The following HIBCH variants were observed in gnomAD, a reference collection of about 807,000 sequenced individuals.
HIBCH encodes 3-hydroxyisobutyryl-CoA hydrolase, mitochondrial.
Under a neutral mutation model 58.2 loss-of-function variants are expected in HIBCH, and 50 were observed. The ratio of observed to expected loss-of-function variants is 0.86; its 90% CI spans 0.68 to 1.09. The LOEUF (loss-of-function observed/expected upper bound fraction) is 1.09, where lower values mean the gene tolerates loss of function less well. Among genes scored for constraint, HIBCH ranks in the 50% least tolerant of loss-of-function variants. The probability of loss-of-function intolerance (pLI) is 0.00; values close to 1 mark genes in which losing one functional copy is unlikely to be tolerated. For synonymous variants in HIBCH, 151 were observed against 146.9 expected (o/e 1.03, Z -0.20); for missense variants, 450 against 449.7 (o/e 1.00, Z -0.01).
chr2:190,314,277 AAATATATATATATGT>A (rs1688634318), intron 1 of HIBCH, among the ~76,000 whole-genome samples: 1 of 120,656 alleles, frequency 8.3e-6, no homozygotes, highest in Non-Finnish European at 1.7e-5. Context: ...ACTACAAAAA[AAATATATATATATGT>A]ATATATACAT....
chr2:190,266,129 T>C (rs1311872079), intron 6 of HIBCH, among the ~76,000 whole-genome samples: 2 of 152,224 alleles, frequency 1.3e-5, no homozygotes, highest in Non-Finnish European at 2.9e-5. Context: ...TAATGTATTC[T>C]GTAAGATTAA....
intron 6 of HIBCH, among the ~76,000 whole-genome samples, chr2:190,274,175 G>GT (rs1687484961): frequency 1.3e-5 from 2 of 152,242 alleles, no homozygotes; most frequent in South Asian, 4.1e-4. Context: ...TTAAAAAATG[G>GT]TTTCTTAAAA....
At chr2:190,203,120 T>C (rs571476400), downstream of HIBCH, 22 of 167,090 alleles carry the variant, frequency 1.3e-4, no homozygotes, top group Non-Finnish European at 3.2e-4. Context: ...CTCAGTATCA[T>C]TGGCCTTTTA....
At chr2:190,266,190 T>C (rs1305665073) in intron 6 of HIBCH, among the ~76,000 whole-genome samples, 1 of 152,220 alleles carries the variant, frequency 6.6e-6, no homozygotes, top group Non-Finnish European at 1.5e-5. Flanking sequence ...GGCAAGTGTT[T>C]CATACACACA....
chr2:190,310,972 T>C (rs1348579368), intron 1 of HIBCH, 176 bp from the exon 2 acceptor site: 1 of 703,062 alleles, frequency 1.4e-6, no homozygotes, highest in South Asian at 1.5e-5. Context: ...TACAGCCACT[T>C]TGCACATGAA....
intron 11 of HIBCH, among the ~76,000 whole-genome samples, chr2:190,227,867 C>G (rs975523142): frequency 1.3e-5 from 2 of 152,110 alleles, no homozygotes; most frequent in African/African-American, 4.8e-5. Context: ...CCAACTCATA[C>G]CAGTTAGAAC....
chr2:190,231,733 AAGGGAGAG>A (rs1241319849), intron 11 of HIBCH, among the ~76,000 whole-genome samples: 1 of 152,044 alleles, frequency 6.6e-6, no homozygotes, highest in Non-Finnish European at 1.5e-5. Context: ...CGGAGGAAGG[AAGGGAGAG>A]AGGGAGAGGA....
intron 11 of HIBCH, among the ~76,000 whole-genome samples, chr2:190,220,698 A>T (rs1685692603): frequency 6.6e-6 from 1 of 151,684 alleles, no homozygotes. Context: ...GTAGGCAAGC[A>T]GAAGACACTG....
intron 2 of HIBCH, among the ~76,000 whole-genome samples, chr2:190,297,563 T>TTAATAATTGTGTTATAATATGACAG (rs1688135967): frequency 6.6e-6 from 1 of 152,088 alleles, no homozygotes. Flanking sequence ...TAATATGACA[T>TTAATAATTGTGTTATAATATGACAG]ACTTAATAAT....
At chr2:190,303,528 C>A (rs1489641355) in intron 2 of HIBCH, among the ~76,000 whole-genome samples, 1 of 151,346 alleles carries the variant, frequency 6.6e-6, no homozygotes, top group East Asian at 1.9e-4. Flanking sequence ...AGAACTGGAA[C>A]AATGAAGCAA....
chr2:190,217,281 C>T lies in HIBCH; in HGVS notation c.892-4206G>A, dbSNP rs1685583007. Among the ~76,000 whole-genome samples, 1 of 152,158 alleles carries T rather than the reference C, an allele frequency of 6.6e-6. No individual in the cohort carries two copies. The highest frequency in any genetic ancestry group is 1.5e-5 in the Non-Finnish European group (1 of 68,010). On this transcript the variant is annotated intron_variant, in intron 11 of 13. Coordinates refer to ENST00000359678, the MANE Select transcript of HIBCH (RefSeq NM_014362.4). This position sits in a 1 kb window ranked among gnomAD's most constrained non-coding sequence, Gnocchi z 4.6. ...GGTGGATCACCTGAGGTCAAGAGTT[C>T]AAGACCAGCCTGGCCAACATGGTGA... is the stretch of plus-strand genomic sequence containing the variant.
intron 6 of HIBCH, 97 bp from the exon 7 acceptor site, chr2:190,261,331 A>G: frequency 3.5e-6 from 3 of 858,046 alleles, no homozygotes; most frequent in Non-Finnish European, 3.9e-6. Context: ...AAGCAAGTAA[A>G]TTATCTTTAT....
intron 6 of HIBCH, among the ~76,000 whole-genome samples, chr2:190,278,492 C>T (rs1687618985): frequency 6.6e-6 from 1 of 152,218 alleles, no homozygotes; most frequent in Non-Finnish European, 1.5e-5. Flanking sequence ...GCGTGAGCCG[C>T]CGTGCCCAGC....
At chr2:190,258,295 T>G (rs1290783719) in intron 7 of HIBCH, among the ~76,000 whole-genome samples, 1 of 152,202 alleles carries the variant, frequency 6.6e-6, no homozygotes, top group Non-Finnish European at 1.5e-5. Flanking sequence ...CCTGTGGAAC[T>G]GTGAGCCAAT....
chr2:190,218,068 A>G (rs1028414946), intron 11 of HIBCH, among the ~76,000 whole-genome samples: 1 of 152,118 alleles, frequency 6.6e-6, no homozygotes, highest in East Asian at 1.9e-4. Context: ...CTAATAGTCA[A>G]CATAACTAAA....
At chr2:190,255,592 A>G (rs1383444263) in intron 7 of HIBCH, among the ~76,000 whole-genome samples, 1 of 152,212 alleles carries the variant, frequency 6.6e-6, no homozygotes, top group Non-Finnish European at 1.5e-5. Flanking sequence ...AGCAATAAAG[A>G]AAAGTGGTCT....
At chr2:190,242,296 T>C (rs552522979) in intron 11 of HIBCH, among the ~76,000 whole-genome samples, 46 of 152,058 alleles carry the variant, frequency 3.0e-4, no homozygotes, top group African/African-American at 1.1e-3. Flanking sequence ...TTCTCTAAAC[T>C]GGTTATTCTA....
chr2:190,253,538 C>T (rs566797076), intron 7 of HIBCH, among the ~76,000 whole-genome samples: 11 of 152,144 alleles, frequency 7.2e-5, no homozygotes, highest in Non-Finnish European at 1.2e-4. Flanking sequence ...AAAGGGTGCA[C>T]GTATACAGCC....
intron 2 of HIBCH, among the ~76,000 whole-genome samples, chr2:190,300,828 T>C (rs910014898): frequency 2.0e-5 from 3 of 152,230 alleles, no homozygotes; most frequent in African/African-American, 7.2e-5. Context: ...ATAATTTTTG[T>C]ATATAGTGTA....
Sources: allele counts gnomAD v4.1 joint callset (sites outside exome capture counted in the v4.1 genomes callset), GRCh38; gene constraint gnomAD v4.1.1; non-coding constraint Gnocchi (gnomAD v3.1); transcripts MANE v1.5; gene names NCBI Gene and HGNC (gene_info 2026-07-23, HGNC 2026-07-21).